The following ZCWPW2 variants were observed in gnomAD, a reference collection of about 807,000 sequenced individuals.
The protein encoded by ZCWPW2 is zinc finger CW-type PWWP domain protein 2.
ZCWPW2 carries 45 observed loss-of-function variants against 46.6 expected under a neutral mutation model. The ratio of observed to expected loss-of-function variants is 0.96; its 90% CI spans 0.76 to 1.24. The LOEUF is 1.24. ZCWPW2 is among the 50% of genes most tolerant of loss of function. The pLI is 0.00. For synonymous variants in ZCWPW2, 152 were observed against 137.1 expected (o/e 1.11, Z -0.76); for missense variants, 429 against 403.9 (o/e 1.06, Z -0.53).
intron 5 of ZCWPW2, among the ~76,000 whole-genome samples, chr3:28,490,665 C>T (rs1365146962): frequency 1.3e-5 from 2 of 151,884 alleles, no homozygotes; most frequent in Non-Finnish European, 2.9e-5. Context: ...CTGGGGCCTA[C>T]GTGAGGGTGG....
intron 6 of ZCWPW2, among the ~76,000 whole-genome samples, chr3:28,504,376 T>A (rs530379209): frequency 6.6e-6 from 1 of 151,796 alleles, no homozygotes; most frequent in African/African-American, 2.4e-5. Flanking sequence ...TCTATTCCTA[T>A]GTATGAGAGA....
intron 6 of ZCWPW2, among the ~76,000 whole-genome samples, chr3:28,492,652 T>A (rs946177728): frequency 6.6e-6 from 1 of 152,094 alleles, no homozygotes; most frequent in Admixed American, 6.6e-5. Flanking sequence ...TTTTAAAGAA[T>A]TATTACAATT....
chr3:28,454,438 T>C (rs931844234), intron 4 of ZCWPW2, among the ~76,000 whole-genome samples: 1 of 152,210 alleles, frequency 6.6e-6, no homozygotes, highest in Non-Finnish European at 1.5e-5. Context: ...TTATTCCCTT[T>C]CATGAGTACG....
intron 1 of ZCWPW2, among the ~76,000 whole-genome samples, chr3:28,365,020 T>G (rs1279737133): frequency 2.0e-5 from 3 of 152,102 alleles, no homozygotes; most frequent in South Asian, 2.1e-4. Context: ...TAAATTTGTT[T>G]GAGTTCATTG....
At chr3:28,469,340 A>C (rs1163263263) in intron 4 of ZCWPW2, among the ~76,000 whole-genome samples, 1 of 152,122 alleles carries the variant, frequency 6.6e-6, no homozygotes, top group Non-Finnish European at 1.5e-5. Context: ...AAAACAAATA[A>C]CAAAATGGCA....
intron 1 of ZCWPW2, among the ~76,000 whole-genome samples, chr3:28,364,467 G>A (rs1331816458): frequency 2.6e-5 from 4 of 151,914 alleles, no homozygotes; most frequent in Non-Finnish European, 5.9e-5. Context: ...TTTCCTCTGG[G>A]TAGATACCCA....
chr3:28,428,773 G>A (rs1697125001), intron 3 of ZCWPW2, among the ~76,000 whole-genome samples: 1 of 152,066 alleles, frequency 6.6e-6, no homozygotes, highest in Non-Finnish European at 1.5e-5. Context: ...AGATCCAATG[G>A]TTTTATAAGG....
chr3:28,429,714 C>A (rs1339935005), intron 3 of ZCWPW2, among the ~76,000 whole-genome samples: 1 of 152,142 alleles, frequency 6.6e-6, no homozygotes, highest in Non-Finnish European at 1.5e-5. Context: ...ACGGGCCGGG[C>A]CCAGTGCCTT....
intron 5 of ZCWPW2, among the ~76,000 whole-genome samples, chr3:28,490,023 C>T (rs1166123471): frequency 6.6e-6 from 1 of 151,982 alleles, no homozygotes; most frequent in East Asian, 1.9e-4. Context: ...TGAACAGACA[C>T]TTTTCAAAAG....
At chr3:28,524,374 G>A (rs573801748) in intron 9 of ZCWPW2, among the ~76,000 whole-genome samples, 153 bp from the exon 10 acceptor site, 2 of 151,964 alleles carry the variant, frequency 1.3e-5, no homozygotes, top group South Asian at 4.1e-4. Flanking sequence ...CATTCATCCT[G>A]CATTATACTA....
chr3:28,360,392 G>T (rs13090951), intron 1 of ZCWPW2, among the ~76,000 whole-genome samples: 2 of 148,466 alleles, frequency 1.3e-5, no homozygotes, highest in Non-Finnish European at 3.0e-5. Flanking sequence ...GCATGGTGGC[G>T]GGTGCCTGTA....
intron 9 of ZCWPW2, among the ~76,000 whole-genome samples, chr3:28,521,550 C>G (rs562193112): frequency 6.6e-6 from 1 of 152,256 alleles, no homozygotes; most frequent in Admixed American, 6.5e-5. Context: ...CATTAACATA[C>G]GGGAAGTAGA....
chr3:28,467,195 A>G (rs975896594), intron 4 of ZCWPW2, among the ~76,000 whole-genome samples: 1 of 152,200 alleles, frequency 6.6e-6, no homozygotes, highest in Non-Finnish European at 1.5e-5. Flanking sequence ...GGGTACAAAT[A>G]GTAACCTGCG....
intron 1 of ZCWPW2, among the ~76,000 whole-genome samples, chr3:28,382,641 T>C (rs1695146348): frequency 6.6e-6 from 1 of 152,088 alleles, no homozygotes; most frequent in South Asian, 2.1e-4. Context: ...ATTTTCTCCA[T>C]TTTCACAAAC....
intron 8 of ZCWPW2, 49 bp from the exon 9 acceptor site, chr3:28,520,943 G>A: frequency 6.2e-7 from 1 of 1,603,522 alleles, no homozygotes; most frequent in South Asian, 1.1e-5. Flanking sequence ...GAATTAGATT[G>A]AATTAAGTGA....
intron 2 of ZCWPW2, among the ~76,000 whole-genome samples, chr3:28,394,913 A>C (rs1188249234): frequency 2.6e-5 from 4 of 152,138 alleles, no homozygotes; most frequent in Admixed American, 6.5e-5. Context: ...GTGGGACTAC[A>C]TCCAATTAAA....
chr3:28,453,961 C>A (rs1698332647), intron 4 of ZCWPW2, among the ~76,000 whole-genome samples: 1 of 151,574 alleles, frequency 6.6e-6, no homozygotes, highest in South Asian at 2.1e-4. Context: ...TCACCTGCCT[C>A]AGCCTCCCGA....
chr3:28,476,461 C>T (rs1699241714), intron 4 of ZCWPW2, among the ~76,000 whole-genome samples: 1 of 152,016 alleles, frequency 6.6e-6, no homozygotes, highest in South Asian at 2.1e-4. Context: ...TTTCAGTTCC[C>T]CTAAGTCATC....
intron 2 of ZCWPW2, among the ~76,000 whole-genome samples, chr3:28,391,377 A>C (rs1175503361): frequency 1.1e-5 from 1 of 91,894 alleles, no homozygotes; most frequent in Non-Finnish European, 2.9e-5. Flanking sequence ...ACACACACAC[A>C]TGCACACACA....
Sources: allele counts gnomAD v4.1 joint callset (sites outside exome capture counted in the v4.1 genomes callset), GRCh38; gene constraint gnomAD v4.1.1; transcripts MANE v1.5; gene names NCBI Gene and HGNC (gene_info 2026-07-23, HGNC 2026-07-21).